The following DNAJC18 variants were observed in gnomAD, a reference collection of about 807,000 sequenced individuals.
DNAJC18 encodes the protein dnaJ homolog subfamily C member 18.
Under a neutral mutation model 48.6 loss-of-function variants are expected in DNAJC18, and 40 were observed. The ratio of observed to expected loss-of-function variants is 0.82; its 90% CI spans 0.64 to 1.07. The LOEUF (loss-of-function observed/expected upper bound fraction) is 1.07, where lower values mean the gene tolerates loss of function less well. Ranked by LOEUF, DNAJC18 falls within the 50% of genes least tolerant of loss-of-function variation. The pLI, the probability that DNAJC18 is intolerant of heterozygous loss-of-function variation, is 0.00. For synonymous variants in DNAJC18, 135 were observed against 152.2 expected (o/e 0.89, Z 0.83); for missense variants, 340 against 427.7 (o/e 0.79, Z 1.81).
chr5:139,411,458 C>G lies in DNAJC18; in HGVS notation c.*2690G>C, dbSNP rs1758993814. ...CTCCGGCAGCAAGAATAAGCCCTAC[C>G]TAGTTATGTATGATCAGGAGATCTT... On this transcript the variant is annotated 3_prime_UTR_variant, in exon 8 of 8. Transcript: ENST00000302060. The G allele has an allele frequency of 6.6e-6, 1 of 152,196 alleles. No individual in the cohort carries two copies. The highest frequency in any genetic ancestry group is 1.5e-5 in the Non-Finnish European group (1 of 68,048). The allele number at this position is 152,196 out of a possible 1,614,324, so 9.4% of individuals were successfully genotyped here.
intron 7 of DNAJC18, chr5:139,418,801 C>T (rs191334800): frequency 2.2e-6 from 1 of 456,298 alleles, no homozygotes; most frequent in Non-Finnish European, 4.4e-6. Flanking sequence ...ATTTGTTGAG[C>T]ACTTGTTCTG....
intron 2 of DNAJC18, among the ~76,000 whole-genome samples, chr5:139,437,093 A>T (rs1226599481): frequency 6.6e-6 from 1 of 152,200 alleles, no homozygotes; most frequent in African/African-American, 2.4e-5. Flanking sequence ...TATCCTTAAG[A>T]AGAAAATCGT....
chr5:139,411,658 G>A lies in DNAJC18; in HGVS notation c.*2490C>T, dbSNP rs1758997440. 6.6e-6 allele frequency: 1 copy of A among 152,226 alleles called. No individual in the cohort carries two copies. The highest frequency in any genetic ancestry group is 1.9e-4 in the East Asian group (1 of 5,198). 9.4% of individuals were successfully genotyped at this position (152,226 alleles called of 1,614,324 possible). Reference sequence around the variant, plus strand: ...AGGAAAAACAGATGTGAATGTTGTGGTCTATTGGCAATAAATAAAACAGTA... The same window carrying A: ...AGGAAAAACAGATGTGAATGTTGTGATCTATTGGCAATAAATAAAACAGTA... On this transcript the variant is annotated 3_prime_UTR_variant, in exon 8 of 8. Coordinates refer to ENST00000302060, the MANE Select transcript of DNAJC18 (RefSeq NM_152686.4).
Position 139,413,955 on chromosome 5 carries a change from G to A in DNAJC18, c.*193C>T, listed in dbSNP as rs1446573251. On this transcript the variant is annotated 3_prime_UTR_variant, in exon 8 of 8. Coordinates refer to ENST00000302060, the MANE Select transcript of DNAJC18 (RefSeq NM_152686.4). ...AGATGAACTACTCCTGGTCCCTGGA[G>A]CCACTCCCCAGGAAGGATCCTGTGA... 2.8e-6 allele frequency: 2 copies of A among 715,342 alleles called. No individual in the cohort carries two copies. The highest frequency in any genetic ancestry group is 3.7e-5 in the African/African-American group (2 of 54,732). The allele number at this position is 715,342 out of a possible 1,614,324, so 44.3% of individuals were successfully genotyped here.
intron 5 of DNAJC18, among the ~76,000 whole-genome samples, chr5:139,423,053 C>T (rs780458418): frequency 6.6e-6 from 1 of 152,018 alleles, no homozygotes; most frequent in Non-Finnish European, 1.5e-5. Flanking sequence ...AGGATGGTCT[C>T]GATCTCCTGA....
intron 2 of DNAJC18, among the ~76,000 whole-genome samples, chr5:139,436,776 A>G (rs1349764358): frequency 6.6e-6 from 1 of 152,054 alleles, no homozygotes; most frequent in African/African-American, 2.4e-5. Flanking sequence ...TCTTTTTTAA[A>G]AAAATAAGCA....
At chr5:139,434,873 C>T (rs1750609902) in intron 2 of DNAJC18, among the ~76,000 whole-genome samples, 1 of 151,818 alleles carries the variant, frequency 6.6e-6, no homozygotes, top group Admixed American at 6.6e-5. Context: ...GCTTAAATGC[C>T]CTGGCTTGAC....
chr5:139,422,992 C>T (rs1041489479), intron 5 of DNAJC18, among the ~76,000 whole-genome samples, 175 bp from the exon 6 acceptor site: 6 of 151,894 alleles, frequency 4.0e-5, no homozygotes, highest in African/African-American at 7.3e-5. Context: ...CCCGCCACCA[C>T]GCCCGGCTTA....
chr5:139,433,303 G>T (rs963348820), intron 2 of DNAJC18, among the ~76,000 whole-genome samples: 7 of 152,150 alleles, frequency 4.6e-5, no homozygotes, highest in Non-Finnish European at 1.0e-4. Context: ...AATTAGCTGG[G>T]CATGATGGTG....
At chr5:139,436,671 T>C (rs1228269033) in intron 2 of DNAJC18, among the ~76,000 whole-genome samples, 1 of 151,864 alleles carries the variant, frequency 6.6e-6, no homozygotes, top group Non-Finnish European at 1.5e-5. Flanking sequence ...ACCAAGCTAA[T>C]TTTTGTATAT....
intron 7 of DNAJC18, 47 bp downstream of exon 7, chr5:139,420,006 G>C (rs1358277356): frequency 6.7e-7 from 1 of 1,498,626 alleles, no homozygotes; most frequent in South Asian, 1.4e-5. Context: ...GGTGCCTCCT[G>C]CTGGGAACCA....
At chr5:139,422,961 G>A (rs562689025) in intron 5 of DNAJC18, 144 bp from the exon 6 acceptor site, 29 of 455,052 alleles carry the variant, frequency 6.4e-5, no homozygotes, top group Admixed American at 4.9e-4. Context: ...TCAGCCTCCC[G>A]AGTAGCTGGG....
chr5:139,436,381 C>G (rs537013441), intron 2 of DNAJC18, among the ~76,000 whole-genome samples: 2 of 152,204 alleles, frequency 1.3e-5, no homozygotes, highest in Admixed American at 6.5e-5. Flanking sequence ...ACCCACCATG[C>G]CTGGCCTCCA....
At position 139,422,752 on chromosome 5, in the gene DNAJC18, A is replaced by G; in HGVS notation, c.735T>C (p.Thr245=). ...VLVIVIISVI[T]QLLATNPPYS... is the part of the protein sequence containing the mutation. Reference sequence around the variant, plus strand: ...ATGGGGGATTAGTAGCCAGCAGCTGAGTAATGACAGATATAATCACAATCA... The same window carrying G: ...ATGGGGGATTAGTAGCCAGCAGCTGGGTAATGACAGATATAATCACAATCA... The change falls in exon 6 of 8, where the codon ACT becomes ACC. Residue 245 remains threonine, a synonymous_variant. Transcript: ENST00000302060. 1 of 1,611,846 alleles carries G rather than the reference A, an allele frequency of 6.2e-7. No individual in the cohort carries two copies. Among genetic ancestry groups the G allele is most frequent in the Non-Finnish European group, 8.5e-7 (1 of 1,179,322 alleles).
Position 139,411,254 on chromosome 5 carries a change from G to A in DNAJC18, c.*2894C>T, listed in dbSNP as rs1036317594. On this transcript the variant is annotated 3_prime_UTR_variant, in exon 8 of 8. Transcript: ENST00000302060. The stretch of plus-strand genomic sequence containing the variant: ...GGTTCCTTCAAGCTCTTTGTGATGA[G>A]AAGGATTTTCATCCTCCTTTTCTCA... The A allele has an allele frequency of 4.6e-5, 7 of 152,222 alleles. No individual in the cohort carries two copies. Among genetic ancestry groups the A allele is most frequent in the Admixed American group, 2.0e-4 (3 of 15,300 alleles). 9.4% of individuals were successfully genotyped at this position (152,222 alleles called of 1,614,324 possible).
intron 7 of DNAJC18, among the ~76,000 whole-genome samples, chr5:139,417,793 C>T (rs908141414): frequency 4.6e-5 from 7 of 151,966 alleles, no homozygotes; most frequent in Admixed American, 2.0e-4. Flanking sequence ...AGGTTGGTCT[C>T]GAACTCCGGA....
intron 6 of DNAJC18, 98 bp downstream of exon 6, chr5:139,422,610 C>T: frequency 1.0e-6 from 1 of 969,176 alleles, no homozygotes; most frequent in African/African-American, 1.7e-5. Context: ...TTTTCTACAG[C>T]AAAAGGTGAA....
chr5:139,431,578 C>T (rs536641766), intron 2 of DNAJC18, among the ~76,000 whole-genome samples: 23 of 152,190 alleles, frequency 1.5e-4, no homozygotes, highest in African/African-American at 4.8e-4. Context: ...TATGGATATA[C>T]ACCATGTTGC....
At chr5:139,434,290 A>G (rs1440014698) in intron 2 of DNAJC18, among the ~76,000 whole-genome samples, 1 of 152,148 alleles carries the variant, frequency 6.6e-6, no homozygotes, top group African/African-American at 2.4e-5. Context: ...GTGTTGTTCA[A>G]AGGCCAACTG....
Sources: allele counts gnomAD v4.1 joint callset (sites outside exome capture counted in the v4.1 genomes callset), GRCh38; gene constraint gnomAD v4.1.1; transcripts MANE v1.5; gene names NCBI Gene and HGNC (gene_info 2026-07-23, HGNC 2026-07-21).